The following DNAH5 variants were observed in gnomAD, a reference collection of about 807,000 sequenced individuals.
DNAH5 encodes axonemal beta dynein heavy chain 5.
In DNAH5, 372 loss-of-function variants were observed where a neutral mutation model predicts 518.2. The ratio of observed to expected loss-of-function variants is 0.72; its 90% confidence interval spans 0.66 to 0.78. DNAH5 has a LOEUF of 0.78. Ranked by LOEUF, DNAH5 falls within the 30% of genes least tolerant of loss-of-function variation. DNAH5 has a pLI of 0.00. For synonymous variants in DNAH5, 2,039 were observed against 2,025.9 expected (o/e 1.01, Z -0.17); for missense variants, 5,523 against 5,687.0 (o/e 0.97, Z 0.93).
At chr5:13,940,901 G>A (rs1167093478) in intron 1 of DNAH5, among the ~76,000 whole-genome samples, 1 of 152,196 alleles carries the variant, frequency 6.6e-6, no homozygotes, top group African/African-American at 2.4e-5. Context: ...CCATATCACA[G>A]AGCACAGCAC....
chr5:13,788,951 T>A (rs769711907), intron 50 of DNAH5, 37 bp from the exon 51 acceptor site: 2 of 1,575,112 alleles, frequency 1.3e-6, no homozygotes, highest in African/African-American at 2.7e-5. Context: ...TAGTAATTCC[T>A]GTTATGCCGT....
chr5:13,816,578 G>A (rs1471372260), intron 42 of DNAH5, among the ~76,000 whole-genome samples: 2 of 148,716 alleles, frequency 1.3e-5, no homozygotes. Flanking sequence ...AAAAACCTCT[G>A]CGCTCTTGTT....
intron 42 of DNAH5, among the ~76,000 whole-genome samples, chr5:13,815,614 AC>A (rs1761353467): frequency 1.3e-5 from 2 of 152,112 alleles, no homozygotes; most frequent in Admixed American, 1.3e-4. Context: ...TTTATAAGCC[AC>A]CCAGTCTCTA....
chr5:13,766,323 T>A, intron 58 of DNAH5, 144 bp from the exon 59 acceptor site: 1 of 807,974 alleles, frequency 1.2e-6, no homozygotes, highest in Non-Finnish European at 2.1e-6. Context: ...GATGCATATT[T>A]AATCCCAAAG....
intron 9 of DNAH5, 42 bp downstream of exon 9, chr5:13,916,306 A>G (rs776706209): frequency 1.7e-6 from 2 of 1,143,776 alleles, no homozygotes; most frequent in Non-Finnish European, 2.6e-6. Flanking sequence ...GATCACTGGC[A>G]AAGAAATACA....
At chr5:13,934,405 G>A (rs1444799863) in intron 1 of DNAH5, among the ~76,000 whole-genome samples, 2 of 152,130 alleles carry the variant, frequency 1.3e-5, no homozygotes, top group Admixed American at 6.5e-5. Context: ...TTCTGCTTTA[G>A]GCCCTTAAGT....
At chr5:13,903,414 G>A (rs1325908491) in intron 12 of DNAH5, among the ~76,000 whole-genome samples, 3 of 151,962 alleles carry the variant, frequency 2.0e-5, no homozygotes, top group African/African-American at 7.2e-5. Flanking sequence ...TATTTAAAAT[G>A]AGAAAGGCTG....
At chr5:13,810,611 G>A (rs1760518382) in intron 44 of DNAH5, 1 of 177,856 alleles carries the variant, frequency 5.6e-6, no homozygotes. Context: ...AAAATTAGCC[G>A]AGGGTGGTGG....
At chr5:13,828,740 T>C (rs750763330) in intron 38 of DNAH5, among the ~76,000 whole-genome samples, 31 of 152,174 alleles carry the variant, frequency 2.0e-4, no homozygotes, top group African/African-American at 7.0e-4. Flanking sequence ...ATCGAAGCCC[T>C]CAGTCTTACA....
intron 47 of DNAH5, among the ~76,000 whole-genome samples, chr5:13,802,335 C>G (rs1323609900): frequency 6.6e-6 from 1 of 152,180 alleles, no homozygotes; most frequent in Non-Finnish European, 1.5e-5. Context: ...GAGCTCCCTT[C>G]TGGCTCTTTT....
chr5:13,913,609 T>C, intron 11 of DNAH5, 134 bp downstream of exon 11: 1 of 1,061,604 alleles, frequency 9.4e-7, no homozygotes, highest in South Asian at 1.6e-5. Flanking sequence ...TCTTTATTGT[T>C]AAAAGGCCAT....
At chr5:13,738,087 T>TA (rs61001745) in intron 65 of DNAH5, among the ~76,000 whole-genome samples, 41,515 of 132,390 alleles carry the variant, frequency 0.31, 6,377 homozygotes, top group African/African-American at 0.43. Context: ...AATAAAATGT[T>TA]AAAAAAAAAA....
chr5:13,916,868 A>T (rs1033857434), intron 8 of DNAH5, among the ~76,000 whole-genome samples: 4 of 152,188 alleles, frequency 2.6e-5, no homozygotes, highest in African/African-American at 9.7e-5. Context: ...GCAATATTTA[A>T]TGGAAAATGT....
intron 34 of DNAH5, among the ~76,000 whole-genome samples, chr5:13,840,563 T>C (rs1208610187): frequency 6.6e-6 from 1 of 152,206 alleles, no homozygotes; most frequent in African/African-American, 2.4e-5. Flanking sequence ...ATAATTTTCA[T>C]AGCAAGAAAC....
intron 1 of DNAH5, among the ~76,000 whole-genome samples, chr5:13,951,522 T>A (rs1780413161): frequency 6.6e-6 from 1 of 152,148 alleles, no homozygotes; most frequent in African/African-American, 2.4e-5. Context: ...GCCTGGCCCA[T>A]ATTCTCTCTT....
At chr5:13,792,327 G>C in intron 49 of DNAH5, 110 bp from the exon 50 acceptor site, 1 of 832,002 alleles carries the variant, frequency 1.2e-6, no homozygotes, top group Admixed American at 2.2e-5. Flanking sequence ...CATTTTAATA[G>C]ATAATCACAT....
intron 24 of DNAH5, among the ~76,000 whole-genome samples, chr5:13,868,731 C>A (rs1769648808): frequency 6.6e-6 from 1 of 152,190 alleles, no homozygotes; most frequent in African/African-American, 2.4e-5. Context: ...TGGAGGCATG[C>A]CTGTGGTCAG....
chr5:13,914,357 T>A (rs1167690883), intron 10 of DNAH5, among the ~76,000 whole-genome samples, 163 bp downstream of exon 10: 1 of 152,070 alleles, frequency 6.6e-6, no homozygotes, highest in Admixed American at 6.6e-5. Flanking sequence ...AAAAGGTGAA[T>A]AAATTTCCTG....
intron 6 of DNAH5, 151 bp from the exon 7 acceptor site, chr5:13,919,503 C>T: frequency 1.2e-6 from 1 of 853,392 alleles, no homozygotes; most frequent in South Asian, 2.2e-5. Flanking sequence ...CTTTTACTCA[C>T]TTAGCATGCA....
Sources: allele counts gnomAD v4.1 joint callset (sites outside exome capture counted in the v4.1 genomes callset), GRCh38; gene constraint gnomAD v4.1.1; transcripts MANE v1.5; gene names NCBI Gene and HGNC (gene_info 2026-07-23, HGNC 2026-07-21).